ADGRL2: variants seen among roughly 807,000 people sequenced by gnomAD.
ADGRL2 encodes the protein adhesion G protein-coupled receptor L2.
Under a neutral mutation model 157.4 loss-of-function variants are expected in ADGRL2, and 44 were observed. The ratio of observed to expected loss-of-function variants is 0.28; its 90% CI spans 0.22 to 0.36. The LOEUF is 0.36. Among genes scored for constraint, ADGRL2 ranks in the 10% least tolerant of loss-of-function variants. The probability of loss-of-function intolerance (pLI) is 1.00; values close to 1 mark genes in which losing one functional copy is unlikely to be tolerated. For missense variants in ADGRL2, 1,510 were observed against 1,768.9 expected (o/e 0.85, Z 2.63); for synonymous variants, 585 against 624.7 (o/e 0.94, Z 0.95).
intron 2 of ADGRL2, chr1:81,515,172 C>A (rs2079151651): frequency 6.6e-6 from 1 of 152,090 alleles, no homozygotes; most frequent in Admixed American, 6.6e-5. Context: ...GGTCCCTCCA[C>A]ATCACCACAA....
chr1:81,547,580 G>A (rs1284427943), intron 2 of ADGRL2, among the ~76,000 whole-genome samples: 1 of 152,104 alleles, frequency 6.6e-6, no homozygotes, highest in African/African-American at 2.4e-5. Flanking sequence ...TAAGACTCTC[G>A]AGTATTATTT....
In ADGRL2 at chr1:81,370,082, C is replaced by T. The variant is rs184117581; in HGVS notation, c.-302+63573C>T. 2.8e-4 allele frequency among the ~76,000 whole-genome samples: 43 copies of T among 152,112 alleles called. No individual in the cohort carries two copies. The East Asian group carries it at 7.7e-3, about 27-fold the overall frequency. On this transcript the variant is annotated intron_variant, in intron 1 of 24. Transcript: ENST00000370721. ...GCCAAGAAATGAAAACACACAGCTT[C>T]CTTTATTCTACAGTGAAACAAAGTG...
chr1:81,384,093 T>C (rs530207681), intron 1 of ADGRL2, among the ~76,000 whole-genome samples: 1 of 152,250 alleles, frequency 6.6e-6, no homozygotes, highest in South Asian at 2.1e-4. Context: ...GGAATGCTTT[T>C]CTGTAGATGT....
chr1:81,666,974 CT>C (rs1186114566), intron 3 of ADGRL2, among the ~76,000 whole-genome samples: 3 of 152,134 alleles, frequency 2.0e-5, no homozygotes, highest in African/African-American at 7.2e-5. Context: ...TAGGTGAGAT[CT>C]GGAAAGTGGA....
intron 1 of ADGRL2, among the ~76,000 whole-genome samples, chr1:81,732,033 G>A (rs1405216382): frequency 1.3e-5 from 2 of 152,086 alleles, no homozygotes; most frequent in Non-Finnish European, 2.9e-5. Flanking sequence ...TCTTTTCTCT[G>A]TAACCTACTT....
intron 2 of ADGRL2, among the ~76,000 whole-genome samples, chr1:81,901,830 A>T (rs966983566): frequency 6.6e-6 from 1 of 152,174 alleles, no homozygotes; most frequent in Non-Finnish European, 1.5e-5. Flanking sequence ...TTTTCAGGAA[A>T]ATAGTGTAAA....
At chr1:81,415,842 C>CATT in intron 1 of ADGRL2, among the ~76,000 whole-genome samples, 1 of 109,750 alleles carries the variant, frequency 9.1e-6, no homozygotes, top group Admixed American at 9.5e-5. Flanking sequence ...ATCTCCTTTT[C>CATT]CTTTTTTTTT....
At chr1:81,839,916 TATATATATGATGGAATATATATATATA>T (rs1343349419) in intron 2 of ADGRL2, among the ~76,000 whole-genome samples, 4 of 129,736 alleles carry the variant, frequency 3.1e-5, no homozygotes, top group Admixed American at 8.0e-5. Flanking sequence ...TTTTCCATCA[TATATATATGATGGAATATATATATATA>T]ATATATATAT....
chr1:81,514,495 A>G (rs1308211114), intron 2 of ADGRL2: 1 of 152,194 alleles, frequency 6.6e-6, no homozygotes, highest in African/African-American at 2.4e-5. Context: ...CCATTTCTAA[A>G]TCTAAATAAA....
intron 1 of ADGRL2, among the ~76,000 whole-genome samples, chr1:81,308,330 A>T (rs1284348623): frequency 3.3e-5 from 5 of 152,144 alleles, no homozygotes; most frequent in African/African-American, 1.2e-4. Flanking sequence ...CATTACAGGG[A>T]AAGAAAAGGA....
chr1:81,619,334 T>C (rs2081738105), intron 3 of ADGRL2, among the ~76,000 whole-genome samples: 1 of 152,008 alleles, frequency 6.6e-6, no homozygotes, highest in Non-Finnish European at 1.5e-5. Context: ...TAGTACCTCA[T>C]TGCCCTGGGC....
chr1:81,417,214 A>C (rs2077048141), intron 1 of ADGRL2, among the ~76,000 whole-genome samples: 1 of 152,224 alleles, frequency 6.6e-6, no homozygotes, highest in African/African-American at 2.4e-5. Flanking sequence ...ATGGAGTAGA[A>C]ATAAATGAAG....
At chr1:81,502,984 C>A in intron 2 of ADGRL2, 1 of 1,613,426 alleles carries the variant, frequency 6.2e-7, no homozygotes, top group Non-Finnish European at 8.5e-7. Context: ...AGTGGCTGTG[C>A]CAAATCGTCT....
chr1:81,679,507 C>T (rs2083064963), intron 3 of ADGRL2, among the ~76,000 whole-genome samples: 1 of 151,966 alleles, frequency 6.6e-6, no homozygotes, highest in Non-Finnish European at 1.5e-5. Flanking sequence ...TAAAATGGAG[C>T]AATAATACCT....
intron 1 of ADGRL2, among the ~76,000 whole-genome samples, chr1:81,761,656 CATATA>C (rs2085885940): frequency 1.3e-5 from 2 of 151,988 alleles, no homozygotes; most frequent in African/African-American, 4.8e-5. Context: ...TGTTCATAGT[CATATA>C]ATATATGTTC....
intron 1 of ADGRL2, among the ~76,000 whole-genome samples, chr1:81,441,189 T>C (rs2077501671): frequency 6.6e-6 from 1 of 152,194 alleles, no homozygotes; most frequent in Admixed American, 6.5e-5. Context: ...AATATTAGTA[T>C]AGTATGAACA....
chr1:81,688,858 G>C (rs1253934370), intron 3 of ADGRL2, among the ~76,000 whole-genome samples: 1 of 152,162 alleles, frequency 6.6e-6, no homozygotes, highest in African/African-American at 2.4e-5. Context: ...TTCCCATGGG[G>C]TGTTCCCTTG....
chr1:81,549,945 G>A (rs1190647976), intron 2 of ADGRL2, among the ~76,000 whole-genome samples: 1 of 151,930 alleles, frequency 6.6e-6, no homozygotes, highest in Non-Finnish European at 1.5e-5. Context: ...AGATAGAAAA[G>A]GGAAAAAATT....
At chr1:81,425,129 T>G (rs4362026) in intron 1 of ADGRL2, among the ~76,000 whole-genome samples, 75,124 of 152,020 alleles carry the variant, frequency 0.49, 18,944 homozygotes, top group Non-Finnish European at 0.54. Flanking sequence ...GAGAGAGACA[T>G]AGAGAGAATA....
Sources: allele counts gnomAD v4.1 joint callset (sites outside exome capture counted in the v4.1 genomes callset), GRCh38; gene constraint gnomAD v4.1.1; transcripts MANE v1.5; gene names NCBI Gene and HGNC (gene_info 2026-07-23, HGNC 2026-07-21).